The following CAMK1D variants were observed in gnomAD, a reference collection of about 807,000 sequenced individuals.
The protein encoded by CAMK1D is calcium/calmodulin-dependent protein kinase type 1D.
A neutral mutation model predicts 47.7 loss-of-function variants in CAMK1D; 9 were observed. The ratio of observed to expected loss-of-function variants is 0.19; its 90% CI spans 0.11 to 0.33. The LOEUF is 0.33. Among genes scored for constraint, CAMK1D ranks in the 10% least tolerant of loss-of-function variants. The pLI is 1.00. For synonymous variants in CAMK1D, 184 were observed against 184.9 expected, an observed-to-expected ratio of 0.99 and a Z score of 0.04; for missense variants, 291 against 488.7, an observed-to-expected ratio of 0.60 and a Z score of 3.81.
intron 4 of CAMK1D, among the ~76,000 whole-genome samples, chr10:12,767,958 C>T (rs1472401146): frequency 6.6e-6 from 1 of 152,106 alleles, no homozygotes; most frequent in Non-Finnish European, 1.5e-5. Flanking sequence ...CTGCAACCTC[C>T]GCCTCCTGGG....
intron 1 of CAMK1D, among the ~76,000 whole-genome samples, chr10:12,497,754 T>A (rs1232936179): frequency 6.6e-6 from 1 of 150,560 alleles, no homozygotes; most frequent in African/African-American, 2.5e-5. Context: ...GGTGATTAGA[T>A]TGGAAAGTCC....
chr10:12,619,861 T>C (rs1028861578), intron 2 of CAMK1D, among the ~76,000 whole-genome samples: 5 of 152,182 alleles, frequency 3.3e-5, no homozygotes, highest in African/African-American at 1.2e-4. Context: ...TCTCACCCCC[T>C]GCCTAACCTC....
chr10:12,382,686 G>A (rs181620151), intron 1 of CAMK1D, among the ~76,000 whole-genome samples: 165 of 152,160 alleles, frequency 1.1e-3, no homozygotes, highest in Admixed American at 3.2e-3. Flanking sequence ...TTAGCTGGGC[G>A]TGGTGGCGGA....
intron 2 of CAMK1D, among the ~76,000 whole-genome samples, chr10:12,623,717 T>C (rs1373336401): frequency 6.6e-6 from 1 of 151,864 alleles, no homozygotes; most frequent in African/African-American, 2.4e-5. Context: ...CTCCCTTTTT[T>C]TCCCCCCCAA....
intron 8 of CAMK1D, among the ~76,000 whole-genome samples, chr10:12,816,739 G>A (rs1302832071): frequency 6.6e-6 from 1 of 151,930 alleles, no homozygotes; most frequent in African/African-American, 2.4e-5. Flanking sequence ...GGGCATGGTG[G>A]CGCGCGCCTG....
In CAMK1D at chr10:12,632,580, A is replaced by G. The variant is rs773930631; in HGVS notation, c.225-34156A>G. On this transcript the variant is annotated intron_variant, in intron 2 of 10. Coordinates refer to ENST00000619168, the MANE Select transcript of CAMK1D (RefSeq NM_153498.4). ...TTGAACCTTACAGAAGCCTGGGGTAAATAAGTCAGGTGTATTTATTTCTGT... is the reference window on the plus strand; with the variant it reads ...TTGAACCTTACAGAAGCCTGGGGTAGATAAGTCAGGTGTATTTATTTCTGT... Among the ~76,000 whole-genome samples, 7 of 152,344 alleles carry G rather than the reference A, an allele frequency of 4.6e-5. No homozygotes were observed. The East Asian group carries it at 1.2e-3, about 25-fold the overall frequency.
chr10:12,675,824 C>T (rs932785670), intron 3 of CAMK1D, among the ~76,000 whole-genome samples: 1 of 152,202 alleles, frequency 6.6e-6, no homozygotes, highest in Non-Finnish European at 1.5e-5. Context: ...ACCTTTCTTT[C>T]GTTCAGCTGC....
chr10:12,566,078 C>A lies in CAMK1D; in HGVS notation c.224+12722C>A, dbSNP rs542997935. On this transcript the variant is annotated intron_variant, in intron 2 of 10. Coordinates refer to ENST00000619168, the MANE Select transcript of CAMK1D (RefSeq NM_153498.4). ...GGGCAAGTCATTTCAACTCTCAGCC[C>A]CCATTTTCAGGATAATGGGGATGAT... Among the ~76,000 whole-genome samples the A allele has an allele frequency of 2.6e-5, 4 of 152,162 alleles. No individual in the cohort carries two copies. In the East Asian group the frequency reaches 7.7e-4, roughly 29 times the overall value.
At chr10:12,400,215 T>G (rs1227483601) in intron 1 of CAMK1D, among the ~76,000 whole-genome samples, 2 of 152,198 alleles carry the variant, frequency 1.3e-5, no homozygotes, top group Non-Finnish European at 2.9e-5. Flanking sequence ...CATTTAATTT[T>G]TACAAGACAG....
intron 1 of CAMK1D, among the ~76,000 whole-genome samples, chr10:12,371,079 A>G (rs1168024311): frequency 6.6e-6 from 1 of 152,184 alleles, no homozygotes; most frequent in East Asian, 1.9e-4. Context: ...TAATATTATC[A>G]TTGATGGAAG....
intron 2 of CAMK1D, among the ~76,000 whole-genome samples, chr10:12,564,880 G>C (rs187465697): frequency 1.6e-4 from 25 of 152,284 alleles, no homozygotes; most frequent in Admixed American, 1.6e-3. Context: ...CTATATGTAG[G>C]TGTGTAAATA....
intron 3 of CAMK1D, among the ~76,000 whole-genome samples, chr10:12,709,434 CAG>C (rs1833854032): frequency 6.6e-6 from 1 of 151,810 alleles, no homozygotes; most frequent in Non-Finnish European, 1.5e-5. Context: ...CTTTGCAATG[CAG>C]AGTCTAAGGA....
At chr10:12,721,855 A>G (rs1834391041) in intron 3 of CAMK1D, among the ~76,000 whole-genome samples, 1 of 152,172 alleles carries the variant, frequency 6.6e-6, no homozygotes, top group Admixed American at 6.5e-5. Flanking sequence ...CAGAATTACC[A>G]CTGTAGACCT....
chr10:12,503,345 T>C (rs1834765645), intron 1 of CAMK1D, among the ~76,000 whole-genome samples: 1 of 152,330 alleles, frequency 6.6e-6, no homozygotes, highest in South Asian at 2.1e-4. Context: ...TTCAACGACA[T>C]GAGTGAACGT....
chr10:12,510,234 GC>G (rs1834999173), intron 1 of CAMK1D, among the ~76,000 whole-genome samples: 1 of 152,180 alleles, frequency 6.6e-6, no homozygotes, highest in African/African-American at 2.4e-5. Flanking sequence ...GGCCAACATA[GC>G]AAAAACTCAT....
chr10:12,694,032 T>A (rs1344281280), intron 3 of CAMK1D, among the ~76,000 whole-genome samples: 6 of 70,812 alleles, frequency 8.5e-5, no homozygotes, highest in East Asian at 4.7e-4. Context: ...ATAATATATA[T>A]AAAATATACA....
intron 2 of CAMK1D, among the ~76,000 whole-genome samples, chr10:12,582,180 C>G (rs940601545): frequency 4.6e-5 from 7 of 152,088 alleles, no homozygotes; most frequent in Admixed American, 3.3e-4. Context: ...TTAGCTTTGT[C>G]GAAGATCAGT....
chr10:12,536,331 T>G (rs567790656), intron 1 of CAMK1D, among the ~76,000 whole-genome samples: 1 of 152,092 alleles, frequency 6.6e-6, no homozygotes, highest in Non-Finnish European at 1.5e-5. Flanking sequence ...AAGGCTGGAG[T>G]GCAGTGGCGT....
intron 2 of CAMK1D, among the ~76,000 whole-genome samples, chr10:12,637,322 C>T (rs182695979): frequency 6.6e-6 from 1 of 152,304 alleles, no homozygotes. Flanking sequence ...TAAAATACGA[C>T]TACTGTAGAT....
Sources: allele counts gnomAD v4.1 joint callset (sites outside exome capture counted in the v4.1 genomes callset), GRCh38; gene constraint gnomAD v4.1.1; transcripts MANE v1.5; gene names NCBI Gene and HGNC (gene_info 2026-07-23, HGNC 2026-07-21).